The following TTLL7 variants were observed in gnomAD, a reference collection of about 807,000 sequenced individuals.
TTLL7 encodes tubulin tyrosine ligase like 7, also known as tubulin polyglutamylase TTLL7.
In TTLL7, 53 loss-of-function variants were observed where a neutral mutation model predicts 120.2. That is an observed-to-expected ratio of 0.44 (90% CI 0.35 to 0.55). The LOEUF (loss-of-function observed/expected upper bound fraction) is 0.55, where lower values mean the gene tolerates loss of function less well. Ranked by LOEUF, TTLL7 falls within the 20% of genes least tolerant of loss-of-function variation. The pLI is 0.00. For synonymous variants in TTLL7, 353 were observed against 351.7 expected, an observed-to-expected ratio of 1.00 and a Z score of -0.04; for missense variants, 803 against 1,054.7, an observed-to-expected ratio of 0.76 and a Z score of 3.31.
At chr1:83,929,373 G>C in intron 9 of TTLL7, 143 bp from the exon 10 acceptor site, 1 of 581,372 alleles carries the variant, frequency 1.7e-6, no homozygotes, top group Non-Finnish European at 3.0e-6. Flanking sequence ...AGTTGTTATT[G>C]CCACATCTCC....
chr1:83,968,920 A>T (rs1396710077), intron 1 of TTLL7, among the ~76,000 whole-genome samples: 1 of 152,050 alleles, frequency 6.6e-6, no homozygotes, highest in Non-Finnish European at 1.5e-5. Flanking sequence ...ATGGGAAATA[A>T]GAAAACTATA....
intron 19 of TTLL7, among the ~76,000 whole-genome samples, chr1:83,889,540 A>G (rs1181593245): frequency 2.0e-5 from 3 of 152,106 alleles, no homozygotes; most frequent in Admixed American, 1.3e-4. Context: ...CAGTTTCCTT[A>G]TCTATAAAAT....
At chr1:83,923,870 CT>C (rs1357246654) in intron 10 of TTLL7, among the ~76,000 whole-genome samples, 1 of 152,130 alleles carries the variant, frequency 6.6e-6, no homozygotes, top group African/African-American at 2.4e-5. Flanking sequence ...TAGTTTACCA[CT>C]TTCTTGAGTC....
Position 83,904,061 on chromosome 1 carries a change from G to A in TTLL7, c.2208+18C>T, listed in dbSNP as rs1656974992. The A allele has an allele frequency of 1.2e-6, 2 of 1,600,918 alleles. No individual in the cohort carries two copies. Among genetic ancestry groups the A allele is most frequent in the Admixed American group, 1.7e-5 (1 of 59,574 alleles). ...ACATAATCCAAGAGGGAAAAAACTT[G>A]TTTTGAGCATTACTCACTTTTCGTT... On this transcript the variant is annotated intron_variant, in intron 18 of 20. Transcript: ENST00000260505.
chr1:83,933,712 G>A lies in TTLL7; in HGVS notation c.943C>T (p.Arg315Ter), dbSNP rs764916974. ...VAEPHVLHAY[R>*]MCRPGQPPGS... is the part of the protein sequence containing the mutation. ...GGAGGTTGACCAGGTCTACACATTC[G>A]ATAGGCATGCAGGACATGAGGTTCT... Residue 315 changes from arginine (R) to a stop codon, truncating the protein, a stop_gained, in exon 9 of 21, where the codon CGA (arginine) becomes TGA (stop). Transcript: ENST00000260505. LOFTEE classifies it high-confidence loss of function. The A allele has an allele frequency of 3.1e-6, 5 of 1,613,440 alleles. No individual in the cohort carries two copies. Among genetic ancestry groups the A allele is most frequent in the Non-Finnish European group, 4.2e-6 (5 of 1,179,652 alleles).
chr1:83,982,905 C>G (rs541934138), intron 1 of TTLL7, among the ~76,000 whole-genome samples: 5 of 152,250 alleles, frequency 3.3e-5, no homozygotes, highest in Admixed American at 6.5e-5. Context: ...TCAAACTGTA[C>G]AAGGCTGCAG....
At chr1:83,915,748 C>T (rs1253384270) in intron 14 of TTLL7, among the ~76,000 whole-genome samples, 1 of 150,046 alleles carries the variant, frequency 6.7e-6, no homozygotes, top group Admixed American at 6.6e-5. Context: ...ACTCATCTGA[C>T]AAAGGGCTAA....
chr1:83,967,642 AAG>A (rs780231575), intron 1 of TTLL7, among the ~76,000 whole-genome samples: 8 of 152,084 alleles, frequency 5.3e-5, no homozygotes, highest in Admixed American at 2.0e-4. Flanking sequence ...AACCTGAAAA[AAG>A]AGAAAGTGGA....
At chr1:83,904,741 A>G (rs1052235407) in intron 17 of TTLL7, among the ~76,000 whole-genome samples, 1 of 152,132 alleles carries the variant, frequency 6.6e-6, no homozygotes, top group African/African-American at 2.4e-5. Flanking sequence ...TTAGAGGCTG[A>G]TTTATCATTC....
chr1:83,885,451 T>C (rs887332343), intron 19 of TTLL7, among the ~76,000 whole-genome samples: 11 of 152,036 alleles, frequency 7.2e-5, no homozygotes, highest in Admixed American at 4.6e-4. Flanking sequence ...TGTAACTTCT[T>C]GAATAATATG....
At position 83,972,352 on chromosome 1, in the gene TTLL7, A is replaced by T. The variant is rs188998091; in HGVS notation, c.-176-19965T>A. The stretch of plus-strand genomic sequence containing the variant: ...TTTTCTAGAATGTCATATGGTTGGA[A>T]TCATACAATATGTAGCCTTATCAGA... On this transcript the variant is annotated intron_variant, in intron 1 of 20. Coordinates refer to ENST00000260505, the MANE Select transcript of TTLL7 (RefSeq NM_024686.6). 2.7e-3 allele frequency among the ~76,000 whole-genome samples: 414 copies of T among 152,170 alleles called. 3 individuals are homozygous for T. Among genetic ancestry groups the T allele is most frequent in the Middle Eastern group, 6.8e-3 (2 of 294 alleles).
At chr1:83,898,482 T>G (rs1308186657) in intron 18 of TTLL7, among the ~76,000 whole-genome samples, 1 of 152,062 alleles carries the variant, frequency 6.6e-6, no homozygotes, top group East Asian at 1.9e-4. Context: ...AAGTCCATAC[T>G]GTCTCATGAG....
chr1:83,906,461 A>G lies in TTLL7; in HGVS notation c.1995T>C (p.Ser665=). 1.2e-6 allele frequency: 2 copies of G among 1,611,656 alleles called. No individual in the cohort carries two copies. Among genetic ancestry groups the G allele is most frequent in the Non-Finnish European group, 1.7e-6 (2 of 1,178,628 alleles). The change falls in exon 17 of 21, where the codon AGT becomes AGC. Residue 665 remains serine (S), a splice_region_variant and synonymous_variant. Coordinates refer to ENST00000260505, the MANE Select transcript of TTLL7 (RefSeq NM_024686.6). ...TTGTTTTCAGTTGCCGCAAAGACTCACTCTTAAATTTGAAAGAATACAGAT... is the reference window on the plus strand; with the variant it reads ...TTGTTTTCAGTTGCCGCAAAGACTCGCTCTTAAATTTGAAAGAATACAGAT... The part of the protein sequence containing the change: ...NDACSTNSQV[S]ESLRQLKTKE...
chr1:83,894,013 G>A (rs930248965), intron 18 of TTLL7, among the ~76,000 whole-genome samples: 1 of 152,052 alleles, frequency 6.6e-6, no homozygotes, highest in African/African-American at 2.4e-5. Context: ...ATTAATTCAT[G>A]CCTTTTAGTT....
intron 1 of TTLL7, among the ~76,000 whole-genome samples, 189 bp downstream of exon 1, chr1:83,998,742 G>A (rs984447397): frequency 2.0e-5 from 3 of 152,096 alleles, no homozygotes; most frequent in African/African-American, 4.8e-5. Context: ...AACCTCTCAG[G>A]GCACGAATGG....
intron 1 of TTLL7, among the ~76,000 whole-genome samples, chr1:83,969,378 T>C (rs543442375): frequency 3.9e-5 from 6 of 152,036 alleles, no homozygotes; most frequent in African/African-American, 1.4e-4. Flanking sequence ...TAAAATTAGA[T>C]ATCACTTTTG....
At chr1:83,907,814 G>A (rs551016392) in intron 15 of TTLL7, among the ~76,000 whole-genome samples, 153 bp from the exon 16 acceptor site, 1 of 152,198 alleles carries the variant, frequency 6.6e-6, no homozygotes, top group East Asian at 1.9e-4. Flanking sequence ...TATGAGTTTG[G>A]AATACACTTT....
chr1:83,903,389 C>A (rs938568023), intron 18 of TTLL7, among the ~76,000 whole-genome samples: 1 of 151,998 alleles, frequency 6.6e-6, no homozygotes, highest in Non-Finnish European at 1.5e-5. Context: ...TAAGTCTCTG[C>A]TCAAATACTA....
chr1:83,906,498 G>A (rs759707393), intron 16 of TTLL7, 35 bp from the exon 17 acceptor site: 1 of 1,609,724 alleles, frequency 6.2e-7, no homozygotes, highest in Non-Finnish European at 8.5e-7. Flanking sequence ...TTTGGAGGGG[G>A]TCTTATTTCA....
Sources: allele counts gnomAD v4.1 joint callset (sites outside exome capture counted in the v4.1 genomes callset), GRCh38; gene constraint gnomAD v4.1.1; transcripts MANE v1.5; gene names NCBI Gene and HGNC (gene_info 2026-07-23, HGNC 2026-07-21).